The following BBS4 variants were observed in gnomAD, a reference collection of about 807,000 sequenced individuals.
BBS4 encodes BBSome complex member BBS4.
In BBS4, 58 loss-of-function variants were observed where a neutral mutation model predicts 71.4. The observed-to-expected ratio is 0.81, with a 90% CI of 0.66 to 1.01. BBS4 has a LOEUF of 1.01. BBS4 is among the 50% of genes least tolerant of loss of function. The probability of loss-of-function intolerance (pLI) is 0.00; values close to 1 mark genes in which losing one functional copy is unlikely to be tolerated. For missense variants in BBS4, 660 were observed against 607.9 expected (o/e 1.09, Z -0.90); for synonymous variants, 228 against 216.8 (o/e 1.05, Z -0.46).
intron 2 of BBS4, among the ~76,000 whole-genome samples, chr15:72,696,820 G>A (rs551332747): frequency 7.4e-4 from 113 of 151,972 alleles, no homozygotes; most frequent in African/African-American, 2.6e-3. Context: ...TGAACTCCTG[G>A]CTTCAAGTGA....
intron 2 of BBS4, 118 bp from the exon 3 acceptor site, chr15:72,709,582 G>A (rs2065328472): frequency 3.9e-6 from 3 of 775,760 alleles, no homozygotes; most frequent in South Asian, 2.8e-5. Flanking sequence ...GTAGTCAGTA[G>A]CATCAAAATT....
chr15:72,691,820 G>A (rs1208123560), intron 1 of BBS4, among the ~76,000 whole-genome samples: 1 of 152,170 alleles, frequency 6.6e-6, no homozygotes, highest in Non-Finnish European at 1.5e-5. Flanking sequence ...AAAATTAGCA[G>A]GATGCGGTGC....
At chr15:72,725,854 T>C (rs1205317865) in intron 8 of BBS4, among the ~76,000 whole-genome samples, 33 of 1,842 alleles carry the variant, frequency 0.018, 4 homozygotes, top group African/African-American at 0.042. Context: ...CATCCCCCTT[T>C]CCCCATCCCC....
At position 72,726,906 on chromosome 15, in the gene BBS4, G is replaced by A. The variant is rs188283411; in HGVS notation, c.588-1034G>A. Among the ~76,000 whole-genome samples, 89 of 152,364 alleles carry A rather than the reference G, an allele frequency of 5.8e-4. 4 individuals are homozygous for A. Among genetic ancestry groups the A allele is most frequent in the Admixed American group, 5.4e-3 (82 of 15,310 alleles). ...TCACTAAATTTCCTAAGGGAGAAAT[G>A]TGGACAGCTAAAATCTGAAGCCTTA... On this transcript the variant is annotated intron_variant, in intron 8 of 15. Coordinates refer to ENST00000268057, the MANE Select transcript of BBS4 (RefSeq NM_033028.5).
At chr15:72,723,843 CAG>C (rs149530226) in intron 7 of BBS4, among the ~76,000 whole-genome samples, 2,441 of 152,222 alleles carry the variant, frequency 0.016, 54 homozygotes, top group African/African-American at 0.056. Context: ...TATTCTGAGT[CAG>C]GGGAAAAGAA....
In BBS4 at chr15:72,712,313, A is replaced by G; in HGVS notation, c.220+6A>G. The G allele has an allele frequency of 6.2e-7, 1 of 1,612,080 alleles. No individual in the cohort carries two copies. Among genetic ancestry groups the G allele is most frequent in the Non-Finnish European group, 8.5e-7 (1 of 1,178,112 alleles). ...ATATGCTATCTATGTCCAAGGTAAG[A>G]CACATACTTCTTGTCTTCTTGCTAG... On this transcript the variant is annotated splice_donor_region_variant and intron_variant, in intron 4 of 15. Transcript: ENST00000268057.
chr15:72,687,991 C>A (rs1163255401), intron 1 of BBS4, among the ~76,000 whole-genome samples: 1 of 107,816 alleles, frequency 9.3e-6, no homozygotes, highest in Non-Finnish European at 1.9e-5. Context: ...ATATTAAAAA[C>A]ATAGGAAAGA....
intron 8 of BBS4, among the ~76,000 whole-genome samples, chr15:72,726,135 A>G (rs541435853): frequency 1.4e-5 from 2 of 145,474 alleles, no homozygotes; most frequent in Admixed American, 6.9e-5. Context: ...ATTTATTTCA[A>G]CAGTCTCGCT....
At chr15:72,689,732 A>AAAAAG in intron 1 of BBS4, among the ~76,000 whole-genome samples, 1 of 53,412 alleles carries the variant, frequency 1.9e-5, no homozygotes, top group East Asian at 5.8e-4. Flanking sequence ...AAAACAAAAA[A>AAAAAG]TGAATGAGCA....
At chr15:72,717,851 G>T in intron 6 of BBS4, among the ~76,000 whole-genome samples, 1 of 14,596 alleles carries the variant, frequency 6.9e-5, no homozygotes, top group South Asian at 2.4e-3. Context: ...CCTTTTCTTT[G>T]TGTGTGGTGC....
chr15:72,717,409 G>A (rs1218304530), intron 6 of BBS4: 1 of 153,708 alleles, frequency 6.5e-6, no homozygotes, highest in African/African-American at 2.4e-5. Flanking sequence ...CAGGTAAGTA[G>A]TTGCTGGCAT....
At chr15:72,705,524 A>G (rs931975392) in intron 2 of BBS4, among the ~76,000 whole-genome samples, 14 of 150,554 alleles carry the variant, frequency 9.3e-5, no homozygotes, top group South Asian at 8.4e-4. Flanking sequence ...TTCTTGAGCT[A>G]CCTTACAAAT....
intron 3 of BBS4, 38 bp downstream of exon 3, chr15:72,709,817 A>G (rs746095964): frequency 1.6e-5 from 25 of 1,562,706 alleles, no homozygotes; most frequent in Non-Finnish European, 3.5e-6. Context: ...GAGAGGCAGG[A>G]TGTTGGGTAG....
intron 1 of BBS4, among the ~76,000 whole-genome samples, chr15:72,693,106 G>T (rs1443305178): frequency 1.3e-5 from 2 of 152,008 alleles, no homozygotes; most frequent in Non-Finnish European, 1.5e-5. Context: ...GCTACTACAG[G>T]GACCATCAAA....
In BBS4 at chr15:72,737,690, A is replaced by G. The variant is rs1567436445; in HGVS notation, c.*103A>G. 1.1e-6 allele frequency: 1 copy of G among 912,458 alleles called. No homozygotes were observed. The highest frequency in any genetic ancestry group is 1.7e-6 in the Non-Finnish European group (1 of 578,602). 56.5% of individuals were successfully genotyped at this position (912,458 alleles called of 1,614,324 possible). A position where few individuals can be genotyped will look rare whatever the true frequency, so the allele number is the denominator to read the frequency against. The stretch of plus-strand genomic sequence containing the variant: ...CAGAGCAGAGTGGCACCCACCACAG[A>G]ATACAGTGTGTGTTATTACGAGGAG... On this transcript the variant is annotated 3_prime_UTR_variant, in exon 16 of 16. Coordinates refer to ENST00000268057, the MANE Select transcript of BBS4 (RefSeq NM_033028.5).
At chr15:72,728,301 C>G (rs2065741239) in intron 9 of BBS4, among the ~76,000 whole-genome samples, 2 of 152,110 alleles carry the variant, frequency 1.3e-5, no homozygotes, top group South Asian at 4.2e-4. Flanking sequence ...AGTTGGAGAC[C>G]AGCCTGGGTA....
At chr15:72,698,222 G>T (rs1413538058) in intron 2 of BBS4, among the ~76,000 whole-genome samples, 3 of 152,196 alleles carry the variant, frequency 2.0e-5, no homozygotes, top group South Asian at 2.1e-4. Flanking sequence ...TTGTTTAATA[G>T]AATAATTTAT....
intron 6 of BBS4, among the ~76,000 whole-genome samples, chr15:72,719,583 G>A (rs2065528951): frequency 6.6e-6 from 1 of 151,912 alleles, no homozygotes; most frequent in Non-Finnish European, 1.5e-5. Context: ...ACCCATAGAG[G>A]GAGATAGGGA....
chr15:72,728,119 ACTCT>A (rs1466891997), intron 9 of BBS4, 125 bp downstream of exon 9: 6 of 712,372 alleles, frequency 8.4e-6, no homozygotes, highest in South Asian at 6.2e-5. Context: ...CATGAACTAC[ACTCT>A]CTCTATTCGA....
Sources: allele counts gnomAD v4.1 joint callset (sites outside exome capture counted in the v4.1 genomes callset), GRCh38; gene constraint gnomAD v4.1.1; transcripts MANE v1.5; gene names NCBI Gene and HGNC (gene_info 2026-07-23, HGNC 2026-07-21).